Variants in MAGI2 observed in about 807,000 individuals in gnomAD.
MAGI2 encodes the protein membrane associated guanylate kinase, WW and PDZ domain containing 2, also known as membrane-associated guanylate kinase, WW and PDZ domain-containing protein 2.
A neutral mutation model predicts 133.3 loss-of-function variants in MAGI2; 35 were observed. The observed-to-expected ratio is 0.26, with a 90% CI of 0.20 to 0.35. The LOEUF (loss-of-function observed/expected upper bound fraction) is 0.35, where lower values mean the gene tolerates loss of function less well. Among genes scored for constraint, MAGI2 ranks in the 10% least tolerant of loss-of-function variants. The pLI is 1.00. For missense variants in MAGI2, 1,636 were observed against 1,863.4 expected (o/e 0.88, Z 2.25); for synonymous variants, 729 against 710.6 (o/e 1.03, Z -0.41).
At chr7:79,374,709 T>C (rs76988320) in intron 1 of MAGI2, among the ~76,000 whole-genome samples, 3,333 of 152,096 alleles carry the variant, frequency 0.022, 139 homozygotes, top group African/African-American at 0.076. Flanking sequence ...TACAATAATA[T>C]ATTACCTGTA....
intron 1 of MAGI2, among the ~76,000 whole-genome samples, chr7:79,163,339 C>A (rs1824574920): frequency 6.6e-6 from 1 of 152,008 alleles, no homozygotes; most frequent in African/African-American, 2.4e-5. Context: ...CCATTCCTGG[C>A]TAATTTTTGT....
chr7:79,166,988 G>C (rs191739156), intron 1 of MAGI2, among the ~76,000 whole-genome samples: 129 of 152,042 alleles, frequency 8.5e-4, no homozygotes, highest in African/African-American at 3.0e-3. Context: ...TAAGGGGAAG[G>C]TATACTACTC....
At chr7:78,772,212 AC>A (rs1330164448) in intron 2 of MAGI2, among the ~76,000 whole-genome samples, 21 of 152,252 alleles carry the variant, frequency 1.4e-4, no homozygotes, top group African/African-American at 4.8e-4. Flanking sequence ...TAGAAAAGAT[AC>A]GTAATCTGCT....
intron 1 of MAGI2, among the ~76,000 whole-genome samples, chr7:79,049,429 C>T (rs1049326527): frequency 6.6e-6 from 1 of 151,918 alleles, no homozygotes; most frequent in Non-Finnish European, 1.5e-5. Context: ...ATTCTTTATA[C>T]GTAGAGAATA....
At chr7:78,529,626 AT>A (rs1030644397) in intron 3 of MAGI2, among the ~76,000 whole-genome samples, 5 of 122,256 alleles carry the variant, frequency 4.1e-5, no homozygotes, top group Admixed American at 8.3e-5. Flanking sequence ...TGGAATTTAA[AT>A]TTTTTTGTTT....
intron 3 of MAGI2, among the ~76,000 whole-genome samples, chr7:78,528,099 AATGG>A (rs1797140031): frequency 6.6e-6 from 1 of 152,240 alleles, no homozygotes; most frequent in South Asian, 2.1e-4. Flanking sequence ...GCAGCTCATC[AATGG>A]TATTCCCAGA....
intron 1 of MAGI2, among the ~76,000 whole-genome samples, chr7:79,396,023 G>T (rs1845025466): frequency 6.6e-6 from 1 of 151,950 alleles, no homozygotes; most frequent in Non-Finnish European, 1.5e-5. Context: ...GTCCTATAAG[G>T]CTGGGGATTT....
intron 21 of MAGI2, among the ~76,000 whole-genome samples, chr7:78,051,199 G>A (rs1584947897): frequency 6.6e-6 from 1 of 152,298 alleles, no homozygotes; most frequent in East Asian, 1.9e-4. Flanking sequence ...AGATGTCATG[G>A]GCTTCAGCCT....
At chr7:79,333,824 A>G (rs1236272765) in intron 1 of MAGI2, among the ~76,000 whole-genome samples, 1 of 152,128 alleles carries the variant, frequency 6.6e-6, no homozygotes, top group African/African-American at 2.4e-5. Context: ...AGCACAAACA[A>G]CTCAAGTGGA....
At chr7:78,591,204 T>C (rs1803965221) in intron 3 of MAGI2, among the ~76,000 whole-genome samples, 1 of 152,196 alleles carries the variant, frequency 6.6e-6, no homozygotes, top group Non-Finnish European at 1.5e-5. Flanking sequence ...TACATGATTA[T>C]CAAGAGAGAT....
At chr7:78,660,975 T>C (rs1450378720) in intron 2 of MAGI2, among the ~76,000 whole-genome samples, 2 of 152,324 alleles carry the variant, frequency 1.3e-5, no homozygotes, top group East Asian at 1.9e-4. Flanking sequence ...ATCTTGTTTC[T>C]TGAGACTCGT....
At chr7:79,185,616 C>A (rs1483651233) in intron 1 of MAGI2, among the ~76,000 whole-genome samples, 1 of 150,562 alleles carries the variant, frequency 6.6e-6, no homozygotes, top group Non-Finnish European at 1.5e-5. Flanking sequence ...AATGCATCAA[C>A]CTCCATTCAG....
chr7:78,298,642 T>G (rs979241978), intron 9 of MAGI2, among the ~76,000 whole-genome samples: 1 of 151,682 alleles, frequency 6.6e-6, no homozygotes, highest in African/African-American at 2.4e-5. Flanking sequence ...TAGCTGGGAT[T>G]ACAGGAACTG....
At chr7:78,905,334 T>A (rs1797916764) in intron 2 of MAGI2, among the ~76,000 whole-genome samples, 1 of 152,216 alleles carries the variant, frequency 6.6e-6, no homozygotes, top group South Asian at 2.1e-4. Context: ...CCTCTCACCT[T>A]GACCCCAAGG....
At chr7:79,131,248 G>A (rs1820916325) in intron 1 of MAGI2, among the ~76,000 whole-genome samples, 1 of 152,068 alleles carries the variant, frequency 6.6e-6, no homozygotes, top group Admixed American at 6.6e-5. Flanking sequence ...ATCGGTTCTG[G>A]GCTGAGTGGC....
intron 1 of MAGI2, among the ~76,000 whole-genome samples, chr7:79,042,740 C>G (rs563842843): frequency 2.0e-5 from 3 of 152,030 alleles, no homozygotes; most frequent in Non-Finnish European, 4.4e-5. Flanking sequence ...CCAAACAGAC[C>G]TAACAGACAT....
chr7:78,549,305 G>T (rs762330893), intron 3 of MAGI2, among the ~76,000 whole-genome samples: 9 of 151,978 alleles, frequency 5.9e-5, no homozygotes, highest in Admixed American at 1.3e-4. Flanking sequence ...TTCAGACAAG[G>T]CCATTGTGTG....
chr7:78,112,009 C>G (rs1349342039), intron 20 of MAGI2, among the ~76,000 whole-genome samples: 1 of 152,266 alleles, frequency 6.6e-6, no homozygotes, highest in East Asian at 1.9e-4. Context: ...GCTTTATTTC[C>G]CTCTTATGTA....
intron 1 of MAGI2, among the ~76,000 whole-genome samples, chr7:79,429,136 C>A (rs550686310): frequency 6.6e-6 from 1 of 152,182 alleles, no homozygotes; most frequent in South Asian, 2.1e-4. Flanking sequence ...AAAAGTACTT[C>A]TCCACCTTTT....
Sources: gnomAD v4.1 joint callset for allele counts (sites outside exome capture counted in the v4.1 genomes callset) on GRCh38, gnomAD v4.1.1 for gene constraint, MANE v1.5 for transcripts, NCBI Gene and HGNC (gene_info 2026-07-23, HGNC 2026-07-21) for gene names.